Variants in MTREX observed in about 807,000 individuals in gnomAD.
The protein encoded by MTREX is Mtr4 exosome RNA helicase, also known as exosome RNA helicase MTR4.
A neutral mutation model predicts 135.4 loss-of-function variants in MTREX; 76 were observed. The observed-to-expected ratio is 0.56, with a 90% CI of 0.47 to 0.68. The LOEUF (loss-of-function observed/expected upper bound fraction) is 0.68. MTREX is among the 30% of genes least tolerant of loss of function. The pLI, the probability that MTREX is intolerant of heterozygous loss-of-function variation, is 0.00. For missense variants in MTREX, 920 were observed against 1,262.1 expected, an observed-to-expected ratio of 0.73 and a Z score of 4.11; for synonymous variants, 404 against 401.6, an observed-to-expected ratio of 1.01 and a Z score of -0.07.
chr5:55,339,918 G>A, intron 5 of MTREX, 92 bp from the exon 6 acceptor site: 1 of 900,864 alleles, frequency 1.1e-6, no homozygotes, highest in Non-Finnish European at 1.6e-6. Context: ...AAATAATTAG[G>A]GAAAATTTGG....
At chr5:55,353,347 G>A (rs1749858209) in intron 14 of MTREX, 78 bp downstream of exon 14, 5 of 855,348 alleles carry the variant, frequency 5.8e-6, no homozygotes, top group Non-Finnish European at 9.1e-6. Context: ...TAGTCTTTGA[G>A]ATTTTAAGTC....
intron 18 of MTREX, among the ~76,000 whole-genome samples, chr5:55,379,445 A>G (rs1750358009): frequency 1.3e-5 from 2 of 152,064 alleles, no homozygotes; most frequent in South Asian, 4.2e-4. Flanking sequence ...TCGGCCTCCC[A>G]AAGTGCTGGG....
intron 10 of MTREX, among the ~76,000 whole-genome samples, chr5:55,345,664 ATT>A (rs553778793): frequency 1.6e-4 from 21 of 132,816 alleles, no homozygotes; most frequent in Admixed American, 2.3e-4. Context: ...GTTACTTTTA[ATT>A]TTTTTTTTTT....
chr5:55,408,333 T>C (rs1750837800), intron 22 of MTREX, among the ~76,000 whole-genome samples: 2 of 152,186 alleles, frequency 1.3e-5, no homozygotes, highest in Non-Finnish European at 2.9e-5. Context: ...AACACTTGTA[T>C]AAATCAATTA....
intron 16 of MTREX, among the ~76,000 whole-genome samples, chr5:55,369,509 C>CT (rs1434016807): frequency 2.6e-5 from 4 of 152,162 alleles, no homozygotes; most frequent in Non-Finnish European, 5.9e-5. Flanking sequence ...AAAAGCATCC[C>CT]TGGTACAGTG....
At chr5:55,337,245 T>C (rs1749568492) in intron 5 of MTREX, among the ~76,000 whole-genome samples, 1 of 152,124 alleles carries the variant, frequency 6.6e-6, no homozygotes, top group African/African-American at 2.4e-5. Context: ...CTCAGCCACC[T>C]TAGTAACTGG....
At chr5:55,336,415 TAAAC>T (rs1002793259) in intron 5 of MTREX, among the ~76,000 whole-genome samples, 6 of 152,254 alleles carry the variant, frequency 3.9e-5, no homozygotes, top group African/African-American at 1.2e-4. Flanking sequence ...TAAATGAAAA[TAAAC>T]AAAAAAATTG....
chr5:55,327,629 C>T, intron 3 of MTREX, 87 bp from the exon 4 acceptor site: 1 of 1,027,830 alleles, frequency 9.7e-7, no homozygotes, highest in South Asian at 1.3e-5. Flanking sequence ...GTTTTATTTT[C>T]CAAACCATCA....
At chr5:55,356,079 G>A (rs1352058513) in intron 14 of MTREX, among the ~76,000 whole-genome samples, 1 of 152,184 alleles carries the variant, frequency 6.6e-6, no homozygotes, top group Middle Eastern at 3.2e-3. Context: ...CCTCATTCAG[G>A]GAGTCACAGA....
chr5:55,321,568 AATTCCCCTATGGAT>A (rs1749289920), intron 1 of MTREX, among the ~76,000 whole-genome samples: 1 of 150,336 alleles, frequency 6.7e-6, no homozygotes, highest in South Asian at 2.1e-4. Flanking sequence ...GGTCAGATTG[AATTCCCCTATGGAT>A]ATTCAGTGTA....
At chr5:55,419,240 A>T (rs1751018667) in intron 25 of MTREX, among the ~76,000 whole-genome samples, 2 of 152,178 alleles carry the variant, frequency 1.3e-5, no homozygotes, top group Non-Finnish European at 2.9e-5. Context: ...TTGCATTGGA[A>T]CTTTCTAATG....
chr5:55,366,429 G>A (rs1303286537), intron 15 of MTREX, among the ~76,000 whole-genome samples: 1 of 152,200 alleles, frequency 6.6e-6, no homozygotes, highest in African/African-American at 2.4e-5. Context: ...TTTCAAGGCT[G>A]CAGTGAGCAG....
rs531584340 is a variant in MTREX at position 55,325,339 on chromosome 5, G to GTT, written c.339+1154_339+1155dup. Among the ~76,000 whole-genome samples the GTT allele has an allele frequency of 4.3e-3, 545 of 125,930 alleles. 6 individuals carry two copies. Among genetic ancestry groups the GTT allele is most frequent in the African/African-American group, 0.013 (439 of 34,318 alleles). 82.6% of individuals were successfully genotyped at this position (125,930 alleles called of 152,430 possible). A position where few individuals can be genotyped will look rare whatever the true frequency, so the allele number is the denominator to read the frequency against. On this transcript the variant is annotated intron_variant, in intron 3 of 26. Coordinates refer to ENST00000230640, the MANE Select transcript of MTREX (RefSeq NM_015360.5). ...TGTTTTTTTGGGGGGGTTTTTTTTTGTTTTTTTTTTTTTTAAGAGTCTCAC... is the reference window on the plus strand; with the variant it reads ...TGTTTTTTTGGGGGGGTTTTTTTTTGTTTTTTTTTTTTTTTTAAGAGTCTCAC...
At chr5:55,415,524 G>A (rs944498388) in intron 24 of MTREX, among the ~76,000 whole-genome samples, 2 of 152,130 alleles carry the variant, frequency 1.3e-5, no homozygotes, top group Non-Finnish European at 2.9e-5. Flanking sequence ...GCCAAGTAAA[G>A]AAGAATGAAG....
intron 5 of MTREX, among the ~76,000 whole-genome samples, 171 bp downstream of exon 5, chr5:55,328,982 G>A (rs565699820): frequency 2.6e-5 from 4 of 152,246 alleles, no homozygotes; most frequent in African/African-American, 9.6e-5. Flanking sequence ...AGTAATAAAA[G>A]AGGACATTCT....
intron 17 of MTREX, among the ~76,000 whole-genome samples, 164 bp downstream of exon 17, chr5:55,378,650 G>A (rs190047318): frequency 2.4e-4 from 36 of 152,004 alleles, no homozygotes; most frequent in African/African-American, 8.7e-4. Flanking sequence ...ACTAACTTAG[G>A]GGCTTATGCA....
At chr5:55,344,220 A>C (rs1234529244) in intron 8 of MTREX, among the ~76,000 whole-genome samples, 1 of 152,178 alleles carries the variant, frequency 6.6e-6, no homozygotes, top group Non-Finnish European at 1.5e-5. Flanking sequence ...TCCTCTATAG[A>C]AAAATAAGCA....
Position 55,366,727 on chromosome 5 carries a change from C to T in MTREX, c.1662C>T (p.Gly554=). 6.4e-7 allele frequency: 1 copy of T among 1,570,662 alleles called. No individual in the cohort carries two copies. The change falls in exon 16 of 27, where the codon GGC becomes GGT. Residue 554 remains glycine (G), a splice_region_variant and synonymous_variant. Coordinates refer to ENST00000230640, the MANE Select transcript of MTREX (RefSeq NM_015360.5). ...TTGACATTTTTTTTCTCTCTTAGGGCTCCGCTGATCCTCTAAATAGTGCTT... is the reference window on the plus strand; with the variant it reads ...TTGACATTTTTTTTCTCTCTTAGGGTTCCGCTGATCCTCTAAATAGTGCTT... ...SPTIGKQLLK[G]SADPLNSAFH... is the part of the protein sequence containing the mutation.
intron 1 of MTREX, among the ~76,000 whole-genome samples, chr5:55,319,668 C>T (rs918362207): frequency 6.6e-6 from 1 of 152,216 alleles, no homozygotes; most frequent in Non-Finnish European, 1.5e-5. Context: ...TTATCTACAA[C>T]ACTTCATTTC....
Sources: allele counts gnomAD v4.1 joint callset (sites outside exome capture counted in the v4.1 genomes callset), GRCh38; gene constraint gnomAD v4.1.1; transcripts MANE v1.5; gene names NCBI Gene and HGNC (gene_info 2026-07-23, HGNC 2026-07-21).